The following DENND1B variants were observed in gnomAD, a reference collection of about 807,000 sequenced individuals.
The protein encoded by DENND1B is DENN domain containing 1B.
Under a neutral mutation model 90.1 loss-of-function variants are expected in DENND1B, and 59 were observed. The observed-to-expected ratio is 0.65, with a 90% CI of 0.53 to 0.81. The LOEUF (loss-of-function observed/expected upper bound fraction) is 0.81, where lower values mean the gene tolerates loss of function less well. Among genes scored for constraint, DENND1B ranks in the 40% least tolerant of loss-of-function variants. The pLI is 0.00. For synonymous variants in DENND1B, 337 were observed against 324.6 expected, an observed-to-expected ratio of 1.04 and a Z score of -0.41; for missense variants, 862 against 912.6, an observed-to-expected ratio of 0.94 and a Z score of 0.71.
rs950301925 is a variant in DENND1B at position 197,510,071 on chromosome 1, G to A, written c.*389C>T. The A allele has an allele frequency of 2.5e-5, 4 of 162,920 alleles. No homozygotes were observed. Among genetic ancestry groups the A allele is most frequent in the African/African-American group, 9.6e-5 (4 of 41,740 alleles). 10.1% of individuals were successfully genotyped at this position (162,920 alleles called of 1,614,324 possible). On this transcript the variant is annotated 3_prime_UTR_variant, in exon 23 of 23. Transcript: ENST00000620048. ...TGGGTTAACAGTTTCATCAGCTTCA[G>A]GCTAGTTTTGATAAGTTTTGATATC...
chr1:197,574,584 A>T (rs556946575), intron 15 of DENND1B, among the ~76,000 whole-genome samples: 138 of 152,326 alleles, frequency 9.1e-4, no homozygotes, highest in African/African-American at 3.3e-3. Context: ...AGAATTGGAA[A>T]AAACTACTTT....
chr1:197,583,336 T>C (rs1674409331), intron 14 of DENND1B, 83 bp from the exon 15 acceptor site: 5 of 1,298,486 alleles, frequency 3.9e-6, no homozygotes, highest in Non-Finnish European at 5.5e-6. Context: ...ATGTGAAGAG[T>C]GATAGAGGAA....
intron 14 of DENND1B, among the ~76,000 whole-genome samples, chr1:197,589,698 C>T (rs1322397958): frequency 1.3e-5 from 2 of 152,032 alleles, no homozygotes; most frequent in Non-Finnish European, 2.9e-5. Context: ...AGAAAATAAT[C>T]AAAAAATGTT....
intron 15 of DENND1B, among the ~76,000 whole-genome samples, chr1:197,560,761 T>C (rs1672096766): frequency 6.6e-6 from 1 of 151,866 alleles, no homozygotes; most frequent in Non-Finnish European, 1.5e-5. Context: ...CAATTCTATT[T>C]TACTTTGCAG....
intron 20 of DENND1B, among the ~76,000 whole-genome samples, chr1:197,536,263 C>T (rs1669897224): frequency 6.6e-6 from 1 of 151,974 alleles, no homozygotes; most frequent in Admixed American, 6.6e-5. Flanking sequence ...TCTAATCCTA[C>T]CGGAAGCCTA....
intron 2 of DENND1B, among the ~76,000 whole-genome samples, chr1:197,754,832 G>A (rs1025414149): frequency 8.5e-5 from 13 of 152,108 alleles, no homozygotes; most frequent in Non-Finnish European, 1.8e-4. Context: ...ATATAGAGAT[G>A]TGTAACAGAT....
intron 3 of DENND1B, chr1:197,688,785 AC>A (rs1364221286): frequency 2.5e-5 from 4 of 160,408 alleles, no homozygotes; most frequent in African/African-American, 9.6e-5. Flanking sequence ...ACTCATATCA[AC>A]ATCATCATCA....
chr1:197,530,727 C>T (rs1275115050), intron 20 of DENND1B, among the ~76,000 whole-genome samples: 2 of 152,110 alleles, frequency 1.3e-5, no homozygotes, highest in Non-Finnish European at 2.9e-5. Context: ...CATAAACAAA[C>T]AGCTACCGAT....
intron 10 of DENND1B, among the ~76,000 whole-genome samples, chr1:197,639,117 G>A (rs2125912763): frequency 6.6e-6 from 1 of 150,714 alleles, no homozygotes; most frequent in Middle Eastern, 3.4e-3. Context: ...AGGCTGGAGT[G>A]CAATGGCGTG....
intron 15 of DENND1B, among the ~76,000 whole-genome samples, chr1:197,565,809 G>A (rs1324667653): frequency 6.7e-6 from 1 of 150,336 alleles, no homozygotes; most frequent in Non-Finnish European, 1.5e-5. Context: ...TCCCTACAAA[G>A]GACATGAACT....
At chr1:197,561,382 C>A (rs994082157) in intron 15 of DENND1B, among the ~76,000 whole-genome samples, 2 of 151,768 alleles carry the variant, frequency 1.3e-5, no homozygotes, top group Non-Finnish European at 2.9e-5. Flanking sequence ...TTCTTGTTGG[C>A]TGCTAATATA....
chr1:197,607,505 C>T (rs962280218), intron 12 of DENND1B, among the ~76,000 whole-genome samples: 1 of 150,802 alleles, frequency 6.6e-6, no homozygotes, highest in African/African-American at 2.4e-5. Flanking sequence ...TAAGTTCAGT[C>T]CCATGAAACA....
At chr1:197,520,935 A>G (rs753528558) in intron 20 of DENND1B, among the ~76,000 whole-genome samples, 3 of 151,984 alleles carry the variant, frequency 2.0e-5, no homozygotes, top group South Asian at 2.1e-4. Flanking sequence ...ATGCTTGCTA[A>G]GAATGTGAAA....
intron 16 of DENND1B, among the ~76,000 whole-genome samples, chr1:197,548,647 C>T (rs1474560731): frequency 3.3e-5 from 5 of 151,976 alleles, no homozygotes; most frequent in East Asian, 1.9e-4. Context: ...ATTTAATCCC[C>T]GGTTCATTAT....
At chr1:197,523,626 G>A (rs1292847034) in intron 20 of DENND1B, among the ~76,000 whole-genome samples, 2 of 152,130 alleles carry the variant, frequency 1.3e-5, no homozygotes, top group Non-Finnish European at 2.9e-5. Context: ...AAGCTTTCCA[G>A]TACCTTCTTT....
At chr1:197,759,862 C>G (rs1654803696) in intron 2 of DENND1B, among the ~76,000 whole-genome samples, 1 of 151,742 alleles carries the variant, frequency 6.6e-6, no homozygotes, top group Non-Finnish European at 1.5e-5. Flanking sequence ...CTCCTCAAAC[C>G]CAGCTTTTAA....
At chr1:197,695,590 A>T (rs1252383851) in intron 3 of DENND1B, among the ~76,000 whole-genome samples, 2 of 151,032 alleles carry the variant, frequency 1.3e-5, no homozygotes, top group African/African-American at 4.8e-5. Context: ...TATATATAAC[A>T]TTTATAGGGA....
chr1:197,554,778 G>A (rs1671564889), intron 15 of DENND1B, among the ~76,000 whole-genome samples: 1 of 123,944 alleles, frequency 8.1e-6, no homozygotes. Context: ...GGAGGTAGAG[G>A]TTGCAATGAG....
chr1:197,529,254 G>A (rs1669417865), intron 20 of DENND1B, among the ~76,000 whole-genome samples: 5 of 13,394 alleles, frequency 3.7e-4, no homozygotes, highest in Non-Finnish European at 2.6e-3. Context: ...GTGTGTGTGT[G>A]TGTGTGTGTG....
Sources: gnomAD v4.1 joint callset for allele counts (sites outside exome capture counted in the v4.1 genomes callset) on GRCh38, gnomAD v4.1.1 for gene constraint, MANE v1.5 for transcripts, NCBI Gene and HGNC (gene_info 2026-07-23, HGNC 2026-07-21) for gene names.